Variants in HPSE2 observed in about 807,000 individuals in gnomAD.
HPSE2 encodes heparanase 2 (inactive).
A neutral mutation model predicts 60.5 loss-of-function variants in HPSE2; 38 were observed. That is an observed-to-expected ratio of 0.63 (90% CI 0.48 to 0.82). The LOEUF (loss-of-function observed/expected upper bound fraction) is 0.82. HPSE2 is among the 40% of genes least tolerant of loss of function. The pLI is 0.00. For synonymous variants in HPSE2, 295 were observed against 293.2 expected (o/e 1.01, Z -0.06); for missense variants, 713 against 740.4 (o/e 0.96, Z 0.43).
At chr10:99,218,667 G>T (rs2133924873) in intron 2 of HPSE2, among the ~76,000 whole-genome samples, 1 of 152,300 alleles carries the variant, frequency 6.6e-6, no homozygotes, top group East Asian at 1.9e-4. Context: ...GTTTTCTGCT[G>T]CAAGTTGTTG....
At chr10:98,995,214 GA>G (rs1392476867) in intron 3 of HPSE2, among the ~76,000 whole-genome samples, 1 of 152,178 alleles carries the variant, frequency 6.6e-6, no homozygotes, top group Non-Finnish European at 1.5e-5. Flanking sequence ...TCTACATGGA[GA>G]AGGTACATAT....
chr10:98,537,998 C>T (rs553347813), intron 9 of HPSE2, among the ~76,000 whole-genome samples: 34 of 152,360 alleles, frequency 2.2e-4, no homozygotes, highest in African/African-American at 7.7e-4. Context: ...CTGACGTATG[C>T]TGCCTTCTCC....
chr10:99,193,776 G>C (rs1001570774), intron 2 of HPSE2, among the ~76,000 whole-genome samples: 3 of 151,978 alleles, frequency 2.0e-5, no homozygotes, highest in African/African-American at 7.2e-5. Context: ...TGGAGCACCT[G>C]ATATATTATA....
At chr10:98,985,551 A>G (rs1327077572) in intron 3 of HPSE2, among the ~76,000 whole-genome samples, 3 of 152,224 alleles carry the variant, frequency 2.0e-5, no homozygotes, top group Non-Finnish European at 4.4e-5. Context: ...CAAATTGTAA[A>G]GACCATCAAG....
the HPSE2 span, among the ~76,000 whole-genome samples, chr10:99,251,549 G>A: frequency 1.3e-3 from 196 of 152,218 alleles, 1 homozygote; most frequent in African/African-American, 4.3e-3. Flanking sequence ...AAGACTACAG[G>A]ACAATATCCC....
chr10:99,305,961 A>AGAAG, the HPSE2 span, among the ~76,000 whole-genome samples: 1 of 103,060 alleles, frequency 9.7e-6, no homozygotes, highest in African/African-American at 4.4e-5. Flanking sequence ...ACTCACACAC[A>AGAAG]CGCGCGCGCG....
the HPSE2 span, among the ~76,000 whole-genome samples, chr10:99,298,681 C>T: frequency 3.0e-3 from 365 of 122,182 alleles, 1 homozygote; most frequent in Non-Finnish European, 3.6e-3. Context: ...TTTTTTTTTT[C>T]TTTTTTTTTT....
chr10:98,500,604 C>T (rs1259375234), intron 9 of HPSE2, among the ~76,000 whole-genome samples: 1 of 152,108 alleles, frequency 6.6e-6, no homozygotes, highest in African/African-American at 2.4e-5. Flanking sequence ...TCTAAGGTCA[C>T]ACCTCAAGGG....
chr10:99,129,468 A>T (rs914929226), intron 3 of HPSE2, among the ~76,000 whole-genome samples: 4 of 152,090 alleles, frequency 2.6e-5, no homozygotes, highest in Non-Finnish European at 5.9e-5. Context: ...CTAGAAATTA[A>T]CTCCAAAAGA....
intron 6 of HPSE2, among the ~76,000 whole-genome samples, chr10:98,679,934 T>C (rs555694): frequency 0.95 from 143,956 of 152,196 alleles, 68,577 homozygotes; most frequent in East Asian, 1. Context: ...CACAGCCTCC[T>C]AAAGTGCTGG....
Position 99,169,461 on chromosome 10 carries a change from C to T in HPSE2, c.449-25062G>A, listed in dbSNP as rs188868666. The stretch of plus-strand genomic sequence containing the variant: ...TGGAGGTTGCAGTGAGCCAAGATGG[C>T]ACCACTGCACTCCAGCCTGGGTGAC... On this transcript the variant is annotated intron_variant, in intron 2 of 11. Coordinates refer to ENST00000370552, the MANE Select transcript of HPSE2 (RefSeq NM_021828.5). Among the ~76,000 whole-genome samples, 272 of 115,518 alleles carry T rather than the reference C, an allele frequency of 2.4e-3. 1 individual carries two copies. Among genetic ancestry groups the T allele is most frequent in the African/African-American group, 8.7e-3 (261 of 29,884 alleles). The allele number at this position is 115,518 out of a possible 152,430, so 75.8% of individuals were successfully genotyped here.
At chr10:98,949,481 T>C (rs1371277551) in intron 3 of HPSE2, among the ~76,000 whole-genome samples, 1 of 152,046 alleles carries the variant, frequency 6.6e-6, no homozygotes, top group African/African-American at 2.4e-5. Flanking sequence ...CTTCCAGCCA[T>C]ATGAAAAAAG....
chr10:99,236,375 C>A (rs375068261), upstream of HPSE2, among the ~76,000 whole-genome samples: 13 of 152,166 alleles, frequency 8.5e-5, no homozygotes, highest in African/African-American at 3.1e-4. Flanking sequence ...AAAGCCCCAG[C>A]GCCAACCCGG....
At chr10:98,922,013 G>A (rs1329182100) in intron 3 of HPSE2, among the ~76,000 whole-genome samples, 5 of 152,070 alleles carry the variant, frequency 3.3e-5, no homozygotes, top group Non-Finnish European at 7.4e-5. Flanking sequence ...AGTCACAAAT[G>A]CAAGTTACAT....
intron 3 of HPSE2, among the ~76,000 whole-genome samples, chr10:98,810,122 T>G (rs1951135615): frequency 6.6e-6 from 1 of 152,148 alleles, no homozygotes; most frequent in Admixed American, 6.5e-5. Flanking sequence ...ATTTTTGTAG[T>G]CTTCATGTCC....
At chr10:99,124,774 C>G (rs1477581691) in intron 3 of HPSE2, among the ~76,000 whole-genome samples, 2 of 152,244 alleles carry the variant, frequency 1.3e-5, no homozygotes, top group African/African-American at 4.8e-5. Context: ...GTGCAGAGAT[C>G]CCTGGGTCCG....
At chr10:99,262,084 C>T in the HPSE2 span, among the ~76,000 whole-genome samples, 2 of 152,168 alleles carry the variant, frequency 1.3e-5, no homozygotes, top group Non-Finnish European at 2.9e-5. Context: ...CCGATCGCCT[C>T]GGAAGCCTAC....
intron 2 of HPSE2, among the ~76,000 whole-genome samples, chr10:99,200,505 T>C (rs1038936906): frequency 7.9e-5 from 12 of 152,132 alleles, no homozygotes; most frequent in African/African-American, 2.7e-4. Context: ...CAGTACAACC[T>C]TCAACAAGTT....
At chr10:99,000,484 T>C (rs1430859729) in intron 3 of HPSE2, among the ~76,000 whole-genome samples, 1 of 151,802 alleles carries the variant, frequency 6.6e-6, no homozygotes. Flanking sequence ...TGACAAGAGA[T>C]AATGGCTAAG....
Sources: allele counts gnomAD v4.1 joint callset (sites outside exome capture counted in the v4.1 genomes callset), GRCh38; gene constraint gnomAD v4.1.1; transcripts MANE v1.5; gene names NCBI Gene and HGNC (gene_info 2026-07-23, HGNC 2026-07-21).